CHAC2: variants seen among roughly 807,000 people sequenced by gnomAD.
The protein encoded by CHAC2 is glutathione-specific gamma-glutamylcyclotransferase 2.
CHAC2 carries 20 observed loss-of-function variants against 16.9 expected under a neutral mutation model. That is an observed-to-expected ratio of 1.18 (90% CI 0.83 to 1.72). The LOEUF (loss-of-function observed/expected upper bound fraction) is 1.72, where lower values mean the gene tolerates loss of function less well. Ranked by LOEUF, CHAC2 falls within the 40% of genes most tolerant of loss-of-function variation. The pLI is 0.00. For missense variants in CHAC2, 269 were observed against 222.2 expected (o/e 1.21, Z -1.34); for synonymous variants, 91 against 77.3 (o/e 1.18, Z -0.93).
intron 2 of CHAC2, among the ~76,000 whole-genome samples, 162 bp downstream of exon 2, chr2:53,772,104 G>T (rs1673962153): frequency 6.6e-6 from 1 of 152,028 alleles, no homozygotes; most frequent in South Asian, 2.1e-4. Flanking sequence ...GAAAACTGAG[G>T]CCAATAAGAA....
chr2:53,774,138 A>AC lies in CHAC2; in HGVS notation c.172-3dup, dbSNP rs770450188. ...ACCAGTGTATTCTTTTCATTTTTCA[A>AC]CAGGGATGTGTATGGGGTGTTGCTT... On this transcript the variant is annotated splice_polypyrimidine_tract_variant and splice_region_variant and intron_variant, in intron 2 of 2. Transcript: ENST00000295304. 11 of 1,581,286 alleles carry AC rather than the reference A, an allele frequency of 7.0e-6. No homozygotes were observed. The South Asian group carries it at 1.3e-4, about 19-fold the overall frequency.
intron 1 of CHAC2, 39 bp downstream of exon 1, chr2:53,768,060 G>A (rs1268766465): frequency 6.2e-7 from 1 of 1,606,110 alleles, no homozygotes; most frequent in Non-Finnish European, 8.5e-7. Flanking sequence ...ACTGCCCCCT[G>A]ACCCCTGCTC....
At chr2:53,768,101 G>A (rs1673620676) in intron 1 of CHAC2, 80 bp downstream of exon 1, 6 of 1,527,282 alleles carry the variant, frequency 3.9e-6, no homozygotes, top group Non-Finnish European at 5.3e-6. Context: ...CCACACCCTA[G>A]AGAACCACAC....
At chr2:53,771,428 G>C (rs114914319) in intron 1 of CHAC2, among the ~76,000 whole-genome samples, 2,300 of 152,206 alleles carry the variant, frequency 0.015, 21 homozygotes, top group South Asian at 0.035. Context: ...TGAGAGAATT[G>C]CTTGAGCCCG....
In CHAC2 at chr2:53,774,292, C is replaced by T; in HGVS notation, c.322C>T (p.Leu108=). ...CACAACAAAACCATTCAGTGTATTGCTATATATTGGAACATGTGATAATCC... is the reference window on the plus strand; with the variant it reads ...CACAACAAAACCATTCAGTGTATTGTTATATATTGGAACATGTGATAATCC... The part of the protein sequence containing the change: ...DPTTKPFSVL[L]YIGTCDNPDY... Residue 108 remains leucine, a synonymous_variant, in exon 3 of 3, where the codon CTA becomes TTA. Transcript: ENST00000295304. 1.2e-6 allele frequency: 2 copies of T among 1,614,104 alleles called. No homozygotes were observed. The highest frequency in any genetic ancestry group is 1.1e-5 in the South Asian group (1 of 91,072).
chr2:53,772,057 A>G (rs1222260873), intron 2 of CHAC2, 115 bp downstream of exon 2: 2 of 641,398 alleles, frequency 3.1e-6, no homozygotes, highest in South Asian at 2.3e-5. Flanking sequence ...TAAATTTAGA[A>G]TTCTTCTCTG....
chr2:53,772,157 A>T (rs1354877811), intron 2 of CHAC2, among the ~76,000 whole-genome samples: 1 of 150,946 alleles, frequency 6.6e-6, no homozygotes, highest in South Asian at 2.1e-4. Context: ...ACGTACAGAC[A>T]AATAGCATGT....
At chr2:53,774,064 C>G in intron 2 of CHAC2, 78 bp from the exon 3 acceptor site, 3 of 1,360,900 alleles carry the variant, frequency 2.2e-6, no homozygotes, top group Non-Finnish European at 3.0e-6. Flanking sequence ...ATATGAGATA[C>G]TCCCTTAGAT....
chr2:53,772,321 C>G (rs1371494575), intron 2 of CHAC2, among the ~76,000 whole-genome samples: 1 of 152,024 alleles, frequency 6.6e-6, no homozygotes, highest in African/African-American at 2.4e-5. Flanking sequence ...ACTACAGGCG[C>G]CCGCCACCAT....
At chr2:53,772,492 C>G (rs1391984614) in intron 2 of CHAC2, among the ~76,000 whole-genome samples, 2 of 151,782 alleles carry the variant, frequency 1.3e-5, no homozygotes, top group Non-Finnish European at 2.9e-5. Flanking sequence ...TTTTTAAAAA[C>G]AAGTTTATTA....
chr2:53,774,574 G>A lies in CHAC2; in HGVS notation c.*49G>A, dbSNP rs139585160. The A allele has an allele frequency of 5.0e-5, 66 of 1,325,738 alleles. No individual in the cohort carries two copies. The African/African-American group carries it at 9.1e-4, about 18-fold the overall frequency. 82.1% of individuals were successfully genotyped at this position (1,325,738 alleles called of 1,614,324 possible). On this transcript the variant is annotated 3_prime_UTR_variant, in exon 3 of 3. Coordinates refer to ENST00000295304, the MANE Select transcript of CHAC2 (RefSeq NM_001008708.4). Reference sequence around the variant, plus strand: ...CAGTGCACAATGACAATATGATTTGGAAATACGTTTACTTAAAGATCTTAT... The same window carrying A: ...CAGTGCACAATGACAATATGATTTGAAAATACGTTTACTTAAAGATCTTAT...
In CHAC2 at chr2:53,774,525, AT is replaced by A. The variant is rs1337548109; in HGVS notation, c.*3del. 1.3e-6 allele frequency: 2 copies of A among 1,527,212 alleles called. No homozygotes were observed. The highest frequency in any genetic ancestry group is 1.7e-6 in the Non-Finnish European group (2 of 1,142,914). The allele number at this position is 1,527,212 out of a possible 1,614,324, so 94.6% of individuals were successfully genotyped here. Reference sequence around the variant, plus strand: ...GGAAACAGAACCTCAATTGCATATAATTTAGTCTTCAGAGAATTAACTTCAG... The same window carrying A: ...GGAAACAGAACCTCAATTGCATATAATTAGTCTTCAGAGAATTAACTTCAG... On this transcript the variant is annotated 3_prime_UTR_variant, in exon 3 of 3. Transcript: ENST00000295304.
intron 1 of CHAC2, among the ~76,000 whole-genome samples, chr2:53,770,873 T>C (rs77538864): frequency 0.011 from 1,662 of 152,312 alleles, 29 homozygotes; most frequent in African/African-American, 0.038. Context: ...CATTTATGAA[T>C]GTAAAAGAAA....
Position 53,774,248 on chromosome 2 carries a change from T to C in CHAC2, c.278T>C (p.Ile93Thr), listed in dbSNP as rs1217789781. The C allele has an allele frequency of 1.9e-6, 3 of 1,614,150 alleles. No homozygotes were observed. The highest frequency in any genetic ancestry group is 2.7e-5 in the African/African-American group (2 of 75,036). ...EKGGYRTTTV[I>T]FYPKDPTTKP... is the part of the protein sequence containing the mutation. Reference sequence around the variant, plus strand: ...GGAGGCTACAGAACCACAACAGTCATTTTTTATCCAAAAGATCCCACAACA... The same window carrying C: ...GGAGGCTACAGAACCACAACAGTCACTTTTTATCCAAAAGATCCCACAACA... The change falls in exon 3 of 3, where the codon ATT becomes ACT. Residue 93 changes from isoleucine (I) to threonine (T), a missense_variant. Ile to Thr is a moderately conservative substitution (Grantham distance 89, BLOSUM62 -1). Transcript: ENST00000295304.
At chr2:53,768,222 C>T in intron 1 of CHAC2, 1 of 584,448 alleles carries the variant, frequency 1.7e-6, no homozygotes, top group South Asian at 2.6e-5. Context: ...TCCGAAGCTG[C>T]TTAAGATGCC....
chr2:53,770,233 G>C (rs1280538714), intron 1 of CHAC2, among the ~76,000 whole-genome samples: 2 of 152,120 alleles, frequency 1.3e-5, no homozygotes, highest in African/African-American at 4.8e-5. Flanking sequence ...AAATGTATGA[G>C]AAGACTAACA....
At chr2:53,771,007 A>G (rs542715208) in intron 1 of CHAC2, among the ~76,000 whole-genome samples, 1 of 152,198 alleles carries the variant, frequency 6.6e-6, no homozygotes, top group Non-Finnish European at 1.5e-5. Context: ...AGTGGTTCTT[A>G]AAGTATGAGC....
chr2:53,773,790 A>T (rs569008100), intron 2 of CHAC2, among the ~76,000 whole-genome samples: 10 of 150,852 alleles, frequency 6.6e-5, no homozygotes. Flanking sequence ...ATCCCAGCAC[A>T]CTGGGAGGCC....
At chr2:53,773,719 G>A (rs537631137) in intron 2 of CHAC2, among the ~76,000 whole-genome samples, 1 of 151,200 alleles carries the variant, frequency 6.6e-6, no homozygotes, top group Admixed American at 6.6e-5. Context: ...GTGAGCCACC[G>A]CTCCTGGCCC....
Sources: gnomAD v4.1 joint callset for allele counts (sites outside exome capture counted in the v4.1 genomes callset) on GRCh38, gnomAD v4.1.1 for gene constraint, MANE v1.5 for transcripts, NCBI Gene and HGNC (gene_info 2026-07-23, HGNC 2026-07-21) for gene names.